FGFR4: variants seen among roughly 807,000 people sequenced by gnomAD.
The protein encoded by FGFR4 is fibroblast growth factor receptor 4.
FGFR4 carries 63 observed loss-of-function variants against 89.9 expected under a neutral mutation model. That is an observed-to-expected ratio of 0.70 (90% CI 0.57 to 0.86). The LOEUF (loss-of-function observed/expected upper bound fraction) is 0.86, where lower values mean the gene tolerates loss of function less well. Among genes scored for constraint, FGFR4 ranks in the 40% least tolerant of loss-of-function variants. The pLI, the probability that FGFR4 is intolerant of heterozygous loss-of-function variation, is 0.00. For missense variants in FGFR4, 928 were observed against 1,106.7 expected (o/e 0.84, Z 2.29); for synonymous variants, 486 against 479.4 (o/e 1.01, Z -0.18).
intron 4 of FGFR4, 44 bp from the exon 5 acceptor site, chr5:177,090,894 G>C: frequency 6.2e-7 from 1 of 1,614,134 alleles, no homozygotes; most frequent in Non-Finnish European, 8.5e-7. Flanking sequence ...GGAGGCCTGT[G>C]TGGGAACACA....
In FGFR4 at chr5:177,090,789, A is replaced by G. The variant is rs773378049; in HGVS notation, c.400A>G (p.Arg134Gly). Reference sequence around the variant, plus strand: ...CGATGATGAGGACCCCAAGTCCCATAGGGACCCCTCGAATAGGCACAGTTA... The same window carrying G: ...CGATGATGAGGACCCCAAGTCCCATGGGGACCCCTCGAATAGGCACAGTTA... Reference protein sequence around the residue: ...SNDDEDPKSHRDPSNRHSYPQ... With the variant: ...SNDDEDPKSHGDPSNRHSYPQ... Residue 134 changes from arginine to glycine, a missense_variant, in exon 4 of 18, where the codon AGG becomes GGG. This residue lies in a region of FGFR4 where 741 missense variants were observed against 836.9 expected (regional missense o/e 0.89). Transcript: ENST00000292408. 6.2e-6 allele frequency: 10 copies of G among 1,613,792 alleles called. No homozygotes were observed. In the East Asian group the frequency reaches 2.2e-4, roughly 36 times the overall value.
chr5:177,097,891 G>A lies in FGFR4; in HGVS notation c.*215G>A, dbSNP rs911211924. The A allele has an allele frequency of 5.6e-5, 28 of 496,062 alleles. No individual in the cohort carries two copies. The highest frequency in any genetic ancestry group is 2.0e-4 in the East Asian group (6 of 30,656). 30.7% of individuals were successfully genotyped at this position (496,062 alleles called of 1,614,324 possible). On this transcript the variant is annotated 3_prime_UTR_variant, in exon 18 of 18. Coordinates refer to ENST00000292408, the MANE Select transcript of FGFR4 (RefSeq NM_213647.3). ...TCTGCTCGGCTTCTTGGACCTTGGC[G>A]CTTAGTCCCCATCCCGGGTTTGGCT...
In FGFR4 at chr5:177,090,622, C is replaced by T. The variant is rs781632034; in HGVS notation, c.324C>T (p.Ile108=). 24 of 1,522,056 alleles carry T rather than the reference C, an allele frequency of 1.6e-5. No individual in the cohort carries two copies. The East Asian group carries it at 1.8e-4, about 11-fold the overall frequency. The allele number at this position is 1,522,056 out of a possible 1,614,324, so 94.3% of individuals were successfully genotyped here. The part of the protein sequence containing the change: ...RYLCLARGSM[I]VLQNLTLITG... ...TCTGCCTGGCACGAGGCTCCATGAT[C>T]GTCCTGCAGAATCTCACCTTGATTA... Residue 108 remains isoleucine (I), a synonymous_variant, in exon 3 of 18, where the codon ATC becomes ATT. Transcript: ENST00000292408.
intron 6 of FGFR4, 123 bp from the exon 7 acceptor site, chr5:177,092,198 A>G: frequency 9.9e-7 from 1 of 1,013,530 alleles, no homozygotes; most frequent in Non-Finnish European, 1.4e-6. Context: ...CAGGGTAAGC[A>G]GGAGACAGAC....
rs1348831500 is a variant in FGFR4 at position 177,087,233 on chromosome 5, C to T, written c.-54+156C>T. On this transcript the variant is annotated intron_variant, in intron 1 of 17. Coordinates refer to ENST00000292408, the MANE Select transcript of FGFR4 (RefSeq NM_213647.3). This position sits in a 1 kb window ranked among gnomAD's most constrained non-coding sequence, Gnocchi z 6.1. ...GGCGGTAAATCAGTAACCCGCAGTGCACACAGGGCCTTTTGTCCCGCTCCG... is the reference window on the plus strand; with the variant it reads ...GGCGGTAAATCAGTAACCCGCAGTGTACACAGGGCCTTTTGTCCCGCTCCG... Among the ~76,000 whole-genome samples, 1 of 152,138 alleles carries T rather than the reference C, an allele frequency of 6.6e-6. No homozygotes were observed. Among genetic ancestry groups the T allele is most frequent in the Admixed American group, 6.5e-5 (1 of 15,284 alleles).
intron 11 of FGFR4, chr5:177,094,971 G>A (rs1264937937): frequency 8.8e-5 from 21 of 239,016 alleles, no homozygotes; most frequent in Admixed American, 6.5e-4. Flanking sequence ...GACCCCATGC[G>A]GGGACTACCG....
intron 6 of FGFR4, among the ~76,000 whole-genome samples, chr5:177,092,094 G>T (rs938838394): frequency 6.6e-6 from 1 of 152,236 alleles, no homozygotes; most frequent in South Asian, 2.1e-4. Flanking sequence ...AGGGCGTGGC[G>T]TTTATATGGG....
rs1784508503 is a variant in FGFR4, at chr5:177,095,273, C to T, written c.1520-57C>T. On this transcript the variant is annotated intron_variant, in intron 11 of 17. Coordinates refer to ENST00000292408, the MANE Select transcript of FGFR4 (RefSeq NM_213647.3). This position sits in a 1 kb window ranked among gnomAD's most constrained non-coding sequence, Gnocchi z 5.7. ...GCTGCTTGTCCTGCACCTGCCTCTG[C>T]ATGCTCCCTCGTGCAGTTGGAGGGC... The T allele has an allele frequency of 1.1e-5, 15 of 1,419,782 alleles. No individual in the cohort carries two copies. The highest frequency in any genetic ancestry group is 5.0e-5 in the Admixed American group (3 of 59,688). 87.9% of individuals were successfully genotyped at this position (1,419,782 alleles called of 1,614,324 possible). A position where few individuals can be genotyped will look rare whatever the true frequency, so the allele number is the denominator to read the frequency against.
In FGFR4 at chr5:177,096,043, C is replaced by T. The variant is rs775123658; in HGVS notation, c.1822-14C>T. 3 of 1,611,410 alleles carry T rather than the reference C, an allele frequency of 1.9e-6. No homozygotes were observed. Among genetic ancestry groups the T allele is most frequent in the East Asian group, 4.5e-5 (2 of 44,848 alleles). On this transcript the variant is annotated splice_polypyrimidine_tract_variant and intron_variant, in intron 13 of 17. Coordinates refer to ENST00000292408, the MANE Select transcript of FGFR4 (RefSeq NM_213647.3). Reference sequence around the variant, plus strand: ...CCAGGTGTCCTGAGGCACCCAAGCCCCCGCTCCCTGCAGTGTATCCACCGG... The same window carrying T: ...CCAGGTGTCCTGAGGCACCCAAGCCTCCGCTCCCTGCAGTGTATCCACCGG...
intron 1 of FGFR4, among the ~76,000 whole-genome samples, chr5:177,088,973 T>C (rs913657244): frequency 9.2e-5 from 14 of 152,186 alleles, no homozygotes; most frequent in Non-Finnish European, 2.1e-4. Flanking sequence ...TACAAAACCG[T>C]GTGTGCCTCA....
intron 6 of FGFR4, among the ~76,000 whole-genome samples, chr5:177,092,054 C>T (rs924356828): frequency 2.0e-5 from 3 of 152,216 alleles, no homozygotes; most frequent in Admixed American, 6.5e-5. Flanking sequence ...GTATAACAAA[C>T]GCCCTGCACT....
Position 177,097,598 on chromosome 5 carries a change from C to A in FGFR4, c.2331C>A (p.Ser777=). 1 of 1,614,202 alleles carries A rather than the reference C, an allele frequency of 6.2e-7. No homozygotes were observed. Among genetic ancestry groups the A allele is most frequent in the Non-Finnish European group, 8.5e-7 (1 of 1,180,030 alleles). ...SGGDASSTCS[S]SDSVFSHDPL... ...GGGACGCCAGCAGCACCTGCTCCTC[C>A]AGCGATTCTGTCTTCAGCCACGACC... The change falls in exon 18 of 18, where the codon TCC becomes TCA. Residue 777 remains serine (S), a synonymous_variant. Transcript: ENST00000292408.
rs148143006 is a variant in FGFR4 at position 177,097,539 on chromosome 5, C to T, written c.2272C>T (p.Arg758Cys). 536 of 1,613,716 alleles carry T rather than the reference C, an allele frequency of 3.3e-4. 1 individual carries two copies. The African/African-American group carries it at 4.5e-3, about 14-fold the overall frequency. ...CCGTTCCCCACAGTACCTCGACCTC[C>T]GCCTGACCTTCGGACCCTATTCCCC... Reference protein sequence around the residue: ...LAVSEEYLDLRLTFGPYSPSG... With the variant: ...LAVSEEYLDLCLTFGPYSPSG... The change falls in exon 18 of 18, where the codon CGC (arginine) becomes TGC (cysteine). Residue 758 changes from arginine to cysteine, a missense_variant. Transcript: ENST00000292408.
Position 177,091,733 on chromosome 5 carries a change from G to T in FGFR4, c.652G>T (p.Asp218Tyr). The T allele has an allele frequency of 6.2e-7, 1 of 1,614,220 alleles. No individual in the cohort carries two copies. Among genetic ancestry groups the T allele is most frequent in the Non-Finnish European group, 8.5e-7 (1 of 1,180,032 alleles). The change falls in exon 6 of 18, where the codon GAC (aspartate) becomes TAC (tyrosine). Residue 218 changes from aspartate (D) to tyrosine (Y), a missense_variant. Asp to Tyr is a radical substitution (Grantham distance 160). This residue lies in a region of FGFR4 where 741 missense variants were observed against 836.9 expected (regional missense o/e 0.89). Coordinates refer to ENST00000292408, the MANE Select transcript of FGFR4 (RefSeq NM_213647.3). ...SLVMESVVPS[D>Y]RGTYTCLVEN... ...CGTGATGGAGAGCGTGGTGCCCTCGGACCGCGGCACATACACCTGCCTGGT... is the reference window on the plus strand; with the variant it reads ...CGTGATGGAGAGCGTGGTGCCCTCGTACCGCGGCACATACACCTGCCTGGT...
Position 177,096,688 on chromosome 5 carries a change from G to T in FGFR4, c.2100G>T (p.Ser700=). 6.8e-6 allele frequency: 11 copies of T among 1,607,450 alleles called. No individual in the cohort carries two copies. Among genetic ancestry groups the T allele is most frequent in the Non-Finnish European group, 9.3e-6 (11 of 1,176,724 alleles). The change falls in exon 16 of 18, where the codon TCG becomes TCT. Residue 700 remains serine (S), a synonymous_variant. Coordinates refer to ENST00000292408, the MANE Select transcript of FGFR4 (RefSeq NM_213647.3). The part of the protein sequence containing the change: ...YPGIPVEELF[S]LLREGHRMDR... ...GCATCCCGGTGGAGGAGCTGTTCTC[G>T]CTGCTGCGGGAGGGACATCGGATGG... is the stretch of plus-strand genomic sequence containing the variant.
Position 177,095,503 on chromosome 5 carries a change from C to T in FGFR4, c.1631-30C>T. ...GGTGCAGAGCCAAAGCTTTGGCAGC[C>T]TCTCCACGCTCCCTCCACTCCCTCT... On this transcript the variant is annotated intron_variant, in intron 12 of 17. Coordinates refer to ENST00000292408, the MANE Select transcript of FGFR4 (RefSeq NM_213647.3). The surrounding 1 kb of genome is among the most constrained non-coding windows in gnomAD (Gnocchi z 5.7). 2 of 1,612,534 alleles carry T rather than the reference C, an allele frequency of 1.2e-6. No individual in the cohort carries two copies. The highest frequency in any genetic ancestry group is 8.5e-7 in the Non-Finnish European group (1 of 1,179,208).
At chr5:177,090,713 A>T (rs2149731230) in intron 3 of FGFR4, 32 bp from the exon 4 acceptor site, 1 of 1,566,336 alleles carries the variant, frequency 6.4e-7, no homozygotes, top group South Asian at 1.2e-5. Context: ...CCCCTCTTGG[A>T]CCTTAGATGC....
Position 177,092,635 on chromosome 5 carries a change from C to A in FGFR4, c.919-11C>A, listed in dbSNP as rs778887827. ...CCCTGCTGTGACCCCAGAGCATGTC[C>A]CCCACCCCAGACTGCAGACATCAAT... On this transcript the variant is annotated splice_polypyrimidine_tract_variant and intron_variant, in intron 7 of 17. Transcript: ENST00000292408. 6.9e-5 allele frequency: 110 copies of A among 1,597,566 alleles called. 3 individuals are homozygous for A. In the Middle Eastern group the frequency reaches 2.7e-3, roughly 39 times the overall value.
In FGFR4 at chr5:177,093,410, C is replaced by A; in HGVS notation, c.1256C>A (p.Ser419Tyr). 1 of 1,614,116 alleles carries A rather than the reference C, an allele frequency of 6.2e-7. No homozygotes were observed. Among genetic ancestry groups the A allele is most frequent in the East Asian group, 2.2e-5 (1 of 44,886 alleles). ...LSRFPLARQF[S>Y]LESGSSGKSS... The stretch of plus-strand genomic sequence containing the variant: ...ACCAAGTCTCCCACTTTGCAGTTCT[C>A]CCTGGAGTCAGGCTCTTCCGGCAAG... The change falls in exon 10 of 18, where the codon TCC (serine) becomes TAC (tyrosine). Residue 419 changes from serine to tyrosine, a missense_variant. Ser to Tyr is a moderately radical substitution (Grantham distance 144, BLOSUM62 -2). Transcript: ENST00000292408. This position sits in a 1 kb window ranked among gnomAD's most constrained non-coding sequence, Gnocchi z 5.8.
Sources: gnomAD v4.1 joint callset for allele counts (sites outside exome capture counted in the v4.1 genomes callset) on GRCh38, gnomAD v4.1.1 for gene constraint, gnomAD v4.1.1 regional missense constraint, Gnocchi (gnomAD v3.1) non-coding constraint, MANE v1.5 for transcripts, NCBI Gene and HGNC (gene_info 2026-07-23, HGNC 2026-07-21) for gene names.